THSD7B: variants seen among roughly 807,000 people sequenced by gnomAD.
THSD7B encodes thrombospondin type-1 domain-containing protein 7B.
A neutral mutation model predicts 213.6 loss-of-function variants in THSD7B; 138 were observed. That is an observed-to-expected ratio of 0.65 (90% CI 0.56 to 0.74). THSD7B has a LOEUF of 0.74. THSD7B is among the 30% of genes least tolerant of loss of function. The pLI is 0.00. For missense variants in THSD7B, 1,931 were observed against 1,991.5 expected, an observed-to-expected ratio of 0.97 and a Z score of 0.58; for synonymous variants, 742 against 687.0, an observed-to-expected ratio of 1.08 and a Z score of -1.25.
intron 2 of THSD7B, among the ~76,000 whole-genome samples, chr2:136,953,247 C>CT (rs1468057654): frequency 6.6e-6 from 1 of 152,132 alleles, no homozygotes; most frequent in Non-Finnish European, 1.5e-5. Flanking sequence ...AAAAATTACC[C>CT]TTAGACAAAT....
chr2:136,995,146 C>T (rs1044322192), intron 2 of THSD7B, among the ~76,000 whole-genome samples: 1 of 152,146 alleles, frequency 6.6e-6, no homozygotes, highest in African/African-American at 2.4e-5. Context: ...CAATCCTACC[C>T]AACCCAGGAC....
At chr2:137,535,404 C>T (rs1456949523) in intron 15 of THSD7B, among the ~76,000 whole-genome samples, 1 of 151,614 alleles carries the variant, frequency 6.6e-6, no homozygotes, top group Non-Finnish European at 1.5e-5. Flanking sequence ...AATTGGATTA[C>T]ACGGAAATGG....
intron 15 of THSD7B, among the ~76,000 whole-genome samples, chr2:137,465,207 G>T (rs1041569517): frequency 6.6e-6 from 1 of 151,848 alleles, no homozygotes; most frequent in African/African-American, 2.4e-5. Context: ...GCAGAGTAGG[G>T]TGGGACTGGG....
intron 12 of THSD7B, among the ~76,000 whole-genome samples, chr2:137,396,954 T>A (rs542424637): frequency 0.011 from 1,251 of 115,488 alleles, 10 homozygotes; most frequent in South Asian, 0.019. Flanking sequence ...TTGTTGGTTT[T>A]AAGTCTGTTT....
intron 12 of THSD7B, among the ~76,000 whole-genome samples, chr2:137,298,900 G>C (rs1488454182): frequency 6.6e-6 from 1 of 152,218 alleles, no homozygotes; most frequent in Non-Finnish European, 1.5e-5. Context: ...TGCTAGAGCA[G>C]TGCAGAATGG....
chr2:137,265,396 G>A (rs1423635781), intron 10 of THSD7B, among the ~76,000 whole-genome samples: 4 of 152,222 alleles, frequency 2.6e-5, no homozygotes, highest in Non-Finnish European at 5.9e-5. Context: ...CACTGTGGAA[G>A]TCAGTGTGGC....
chr2:137,217,531 C>T (rs1487843860), intron 7 of THSD7B, among the ~76,000 whole-genome samples: 1 of 152,106 alleles, frequency 6.6e-6, no homozygotes, highest in African/African-American at 2.4e-5. Flanking sequence ...AGACACCCAA[C>T]TTAGAATGGC....
intron 17 of THSD7B, among the ~76,000 whole-genome samples, chr2:137,583,880 C>T (rs1384833684): frequency 1.3e-5 from 2 of 152,136 alleles, no homozygotes; most frequent in African/African-American, 4.8e-5. Flanking sequence ...TGAAGAAAGT[C>T]ATTGGTAGCT....
At chr2:137,584,556 AT>A (rs1208583483) in intron 17 of THSD7B, among the ~76,000 whole-genome samples, 1 of 152,162 alleles carries the variant, frequency 6.6e-6, no homozygotes, top group Non-Finnish European at 1.5e-5. Flanking sequence ...GGGCTGTTGA[AT>A]TTTGTCAAAG....
chr2:137,019,579 G>T (rs1398076160), intron 2 of THSD7B, among the ~76,000 whole-genome samples: 1 of 152,134 alleles, frequency 6.6e-6, no homozygotes, highest in Non-Finnish European at 1.5e-5. Flanking sequence ...CATATCGCCA[G>T]CCTATCCTTT....
At chr2:137,350,620 G>A (rs970005571) in intron 12 of THSD7B, among the ~76,000 whole-genome samples, 3 of 151,876 alleles carry the variant, frequency 2.0e-5, no homozygotes, top group African/African-American at 7.2e-5. Context: ...ATTTATGTCT[G>A]AAAGAGATCA....
chr2:137,242,800 T>C (rs1681942103), intron 10 of THSD7B, among the ~76,000 whole-genome samples: 1 of 152,198 alleles, frequency 6.6e-6, no homozygotes, highest in African/African-American at 2.4e-5. Flanking sequence ...TCCACCTGCA[T>C]GCATTGCAGG....
At position 137,457,037 on chromosome 2, in the gene THSD7B, T is replaced by C. The variant is rs368566225; in HGVS notation, c.3138+6014T>C. Among the ~76,000 whole-genome samples the C allele has an allele frequency of 2.1e-4, 32 of 152,304 alleles. No individual in the cohort carries two copies. The East Asian group carries it at 6.0e-3, about 28-fold the overall frequency. ...TTAGAGGAGAGGCAATTTTTCTTTT[T>C]TGTTCTTGCCCTGTCGCCATTTCCA... is the stretch of plus-strand genomic sequence containing the variant. On this transcript the variant is annotated intron_variant, in intron 15 of 27. Coordinates refer to ENST00000409968, the MANE Select transcript of THSD7B (RefSeq NM_001316349.2).
chr2:137,581,458 C>T (rs1403197641), intron 17 of THSD7B, among the ~76,000 whole-genome samples: 1 of 151,964 alleles, frequency 6.6e-6, no homozygotes, highest in Non-Finnish European at 1.5e-5. Context: ...CGTGGTGGCA[C>T]ATGCCTGTAA....
chr2:137,140,773 T>C (rs1679563712), intron 5 of THSD7B, among the ~76,000 whole-genome samples: 1 of 152,180 alleles, frequency 6.6e-6, no homozygotes, highest in Non-Finnish European at 1.5e-5. Flanking sequence ...GTCTTTTTAG[T>C]AGTATTTATG....
intron 7 of THSD7B, 134 bp downstream of exon 7, chr2:137,171,072 A>G: frequency 2.0e-6 from 2 of 1,004,158 alleles, no homozygotes; most frequent in Middle Eastern, 3.3e-4. Flanking sequence ...TTATGTTTAC[A>G]TCGAGTGACA....
chr2:137,314,446 G>C (rs562917489), intron 12 of THSD7B, among the ~76,000 whole-genome samples: 1 of 152,180 alleles, frequency 6.6e-6, no homozygotes, highest in African/African-American at 2.4e-5. Context: ...TTTGCCTTTG[G>C]TTTGAATGTC....
rs553078348 is a variant in THSD7B at position 137,405,766 on chromosome 2, C to G, written c.2654C>G (p.Thr885Arg). Residue 885 changes from threonine to arginine, a missense_variant, in exon 13 of 28, where the codon ACG becomes AGG. Physicochemically the swap from Thr to Arg is moderately conservative, Grantham distance 71. Transcript: ENST00000409968. ...TAWSKFTPCS[T>R]NCEATKSRRR... The stretch of plus-strand genomic sequence containing the variant: ...TGGTCCAAGTTTACGCCCTGCTCCA[C>G]GAACTGTGAAGCCACAAAAAGTAGG... 6.2e-7 allele frequency: 1 copy of G among 1,613,294 alleles called. No homozygotes were observed. Among genetic ancestry groups the G allele is most frequent in the Non-Finnish European group, 8.5e-7 (1 of 1,179,644 alleles).
chr2:136,931,113 G>T (rs1684620519), intron 2 of THSD7B, among the ~76,000 whole-genome samples: 1 of 152,070 alleles, frequency 6.6e-6, no homozygotes, highest in African/African-American at 2.4e-5. Context: ...CAGCCTCATG[G>T]GACTGAATGA....
Sources: allele counts gnomAD v4.1 joint callset (sites outside exome capture counted in the v4.1 genomes callset), GRCh38; gene constraint gnomAD v4.1.1; transcripts MANE v1.5; gene names NCBI Gene and HGNC (gene_info 2026-07-23, HGNC 2026-07-21).